The following CNTNAP2 variants were observed in gnomAD, a reference collection of about 807,000 sequenced individuals.
CNTNAP2 encodes contactin-associated protein-like 2.
In CNTNAP2, 98 loss-of-function variants were observed where a neutral mutation model predicts 155.2. The observed-to-expected ratio is 0.63, with a 90% CI of 0.54 to 0.75. The LOEUF is 0.75. Ranked by LOEUF, CNTNAP2 falls within the 30% of genes least tolerant of loss-of-function variation. The pLI, the probability that CNTNAP2 is intolerant of heterozygous loss-of-function variation, is 0.00. For missense variants in CNTNAP2, 1,727 were observed against 1,688.1 expected (o/e 1.02, Z -0.40); for synonymous variants, 651 against 631.2 (o/e 1.03, Z -0.47).
chr7:146,610,686 T>C (rs117882504), intron 1 of CNTNAP2, among the ~76,000 whole-genome samples: 3,567 of 152,306 alleles, frequency 0.023, 49 homozygotes, highest in Middle Eastern at 0.041. Flanking sequence ...TATGCAAATC[T>C]AGACTTCTAA....
intron 11 of CNTNAP2, among the ~76,000 whole-genome samples, chr7:147,552,922 G>A: frequency 6.6e-6 from 1 of 152,072 alleles, no homozygotes; most frequent in East Asian, 1.9e-4. Flanking sequence ...GCCAGCAGAA[G>A]AAAAATGACA....
intron 10 of CNTNAP2, among the ~76,000 whole-genome samples, chr7:147,457,347 G>A (rs1366693654): frequency 6.6e-6 from 1 of 152,040 alleles, no homozygotes; most frequent in Non-Finnish European, 1.5e-5. Context: ...TCCATTTTGG[G>A]TTCTTTGCAG....
chr7:147,001,300 T>C (rs762072771), intron 3 of CNTNAP2, among the ~76,000 whole-genome samples: 15 of 152,042 alleles, frequency 9.9e-5, no homozygotes, highest in Non-Finnish European at 1.9e-4. Flanking sequence ...TGGAGAGTCT[T>C]AATTGACAGT....
At chr7:147,382,181 G>T (rs1796548369) in intron 9 of CNTNAP2, among the ~76,000 whole-genome samples, 1 of 152,044 alleles carries the variant, frequency 6.6e-6, no homozygotes, top group South Asian at 2.1e-4. Context: ...AAGATCCTGG[G>T]CATTTTCAAA....
At chr7:147,102,548 T>C (rs1277782808) in intron 4 of CNTNAP2, among the ~76,000 whole-genome samples, 5 of 152,184 alleles carry the variant, frequency 3.3e-5, no homozygotes, top group Admixed American at 2.6e-4. Flanking sequence ...AAGCAACATA[T>C]TTTAAGCAGA....
At chr7:147,706,866 G>C (rs1796323984) in intron 13 of CNTNAP2, among the ~76,000 whole-genome samples, 1 of 151,964 alleles carries the variant, frequency 6.6e-6, no homozygotes, top group Non-Finnish European at 1.5e-5. Flanking sequence ...TATTTCAAAA[G>C]ACCGCTCTTA....
intron 8 of CNTNAP2, among the ~76,000 whole-genome samples, chr7:147,225,388 C>T (rs1406212760): frequency 6.6e-6 from 1 of 152,064 alleles, no homozygotes; most frequent in Non-Finnish European, 1.5e-5. Context: ...AAAAAATGTG[C>T]TAGGAACAAA....
rs555361154 is a variant in CNTNAP2, at chr7:146,350,201, C to T, written c.97+233228C>T. On this transcript the variant is annotated intron_variant, in intron 1 of 23. Transcript: ENST00000361727. The stretch of plus-strand genomic sequence containing the variant: ...TCTTTTTTCTCTAAACTTCCCTTCT[C>T]GCTTCATTTCATTCATTTCGTCTTC... Among the ~76,000 whole-genome samples, 538 of 152,200 alleles carry T rather than the reference C, an allele frequency of 3.5e-3. 4 individuals are homozygous for T. Among genetic ancestry groups the T allele is most frequent in the African/African-American group, 0.012 (505 of 41,530 alleles).
chr7:146,735,558 A>G (rs1288821834), intron 1 of CNTNAP2, among the ~76,000 whole-genome samples: 1 of 152,146 alleles, frequency 6.6e-6, no homozygotes, highest in Non-Finnish European at 1.5e-5. Context: ...CTGTCTCAAA[A>G]AAACACCAAC....
chr7:148,235,508 G>A (rs1374342131), intron 20 of CNTNAP2, among the ~76,000 whole-genome samples: 1 of 152,082 alleles, frequency 6.6e-6, no homozygotes, highest in Non-Finnish European at 1.5e-5. Context: ...CTGAGGACCT[G>A]CCACTGCCAC....
chr7:146,811,003 G>C (rs773079831), intron 2 of CNTNAP2, among the ~76,000 whole-genome samples: 1 of 152,224 alleles, frequency 6.6e-6, no homozygotes, highest in South Asian at 2.1e-4. Context: ...TCACAGTGTA[G>C]ACCTTTTAAA....
At chr7:146,880,789 G>C (rs749998559) in intron 3 of CNTNAP2, among the ~76,000 whole-genome samples, 1 of 152,016 alleles carries the variant, frequency 6.6e-6, no homozygotes, top group Non-Finnish European at 1.5e-5. Context: ...ACTTACAGAG[G>C]GCTGAATATT....
chr7:148,154,633 A>G (rs1326911088), intron 17 of CNTNAP2, among the ~76,000 whole-genome samples: 4 of 152,236 alleles, frequency 2.6e-5, no homozygotes, highest in South Asian at 2.1e-4. Context: ...TAAGAAATTG[A>G]TAATAAAAGA....
chr7:147,959,121 A>T (rs912575898), intron 14 of CNTNAP2, among the ~76,000 whole-genome samples: 5 of 152,144 alleles, frequency 3.3e-5, no homozygotes, highest in African/African-American at 1.2e-4. Context: ...TATCAGACAA[A>T]TTGCATTTAC....
intron 1 of CNTNAP2, among the ~76,000 whole-genome samples, chr7:146,746,510 A>G (rs1801812258): frequency 6.6e-6 from 1 of 152,182 alleles, no homozygotes; most frequent in African/African-American, 2.4e-5. Flanking sequence ...ACAAGATTAT[A>G]TTATCATGTA....
intron 1 of CNTNAP2, among the ~76,000 whole-genome samples, chr7:146,380,784 C>CTTTTTTTTTTTTTTTTTTTTTTT (rs56886106): frequency 5.2e-5 from 2 of 38,820 alleles, no homozygotes; most frequent in African/African-American, 1.6e-4. Flanking sequence ...TATGCACGTT[C>CTTTTTTTTTTTTTTTTTTTTTTT]TTTTTTTTTT....
intron 8 of CNTNAP2, among the ~76,000 whole-genome samples, chr7:147,168,095 T>C (rs1802154561): frequency 6.7e-6 from 1 of 148,956 alleles, no homozygotes; most frequent in Non-Finnish European, 1.5e-5. Context: ...ATGACACATA[T>C]ATGTATAAAT....
intron 1 of CNTNAP2, among the ~76,000 whole-genome samples, chr7:146,523,903 C>T (rs1797650902): frequency 6.6e-6 from 1 of 152,014 alleles, no homozygotes; most frequent in Non-Finnish European, 1.5e-5. Flanking sequence ...TTGTTGTTTT[C>T]TTTTTCTATT....
chr7:147,904,881 T>C (rs949671587), intron 14 of CNTNAP2, among the ~76,000 whole-genome samples: 1 of 143,406 alleles, frequency 7.0e-6, no homozygotes, highest in South Asian at 2.2e-4. Context: ...TTTAATTTTA[T>C]TTCTTTGAAA....
Sources: gnomAD v4.1 joint callset for allele counts (sites outside exome capture counted in the v4.1 genomes callset) on GRCh38, gnomAD v4.1.1 for gene constraint, MANE v1.5 for transcripts, NCBI Gene and HGNC (gene_info 2026-07-23, HGNC 2026-07-21) for gene names.